MNAT1: variants seen among roughly 807,000 people sequenced by gnomAD.
The protein encoded by MNAT1 is CDK-activating kinase assembly factor MAT1.
Under a neutral mutation model 42.0 loss-of-function variants are expected in MNAT1, and 43 were observed. The observed-to-expected ratio is 1.02, with a 90% CI of 0.80 to 1.32. The LOEUF (loss-of-function observed/expected upper bound fraction) is 1.32, where lower values mean the gene tolerates loss of function less well. MNAT1 is among the 40% of genes most tolerant of loss of function. MNAT1 has a pLI of 0.00. For missense variants in MNAT1, 306 were observed against 350.4 expected, an observed-to-expected ratio of 0.87 and a Z score of 1.01; for synonymous variants, 118 against 120.0, an observed-to-expected ratio of 0.98 and a Z score of 0.11.
chr14:60,961,426 T>C (rs1034694006), intron 7 of MNAT1, among the ~76,000 whole-genome samples: 5 of 152,236 alleles, frequency 3.3e-5, no homozygotes, highest in Admixed American at 2.0e-4. Flanking sequence ...CAATATGTAC[T>C]GTGTCTCCTT....
chr14:60,894,470 A>T (rs932727883), intron 7 of MNAT1, among the ~76,000 whole-genome samples: 2 of 151,546 alleles, frequency 1.3e-5, no homozygotes, highest in Non-Finnish European at 2.9e-5. Flanking sequence ...CTGATTGTCT[A>T]TTTTTTCCCA....
intron 7 of MNAT1, among the ~76,000 whole-genome samples, chr14:60,951,329 T>G (rs2036381004): frequency 6.6e-6 from 1 of 151,554 alleles, no homozygotes. Context: ...TTATTGTTTT[T>G]GGCTCATCTT....
intron 1 of MNAT1, among the ~76,000 whole-genome samples, chr14:60,782,459 T>G (rs2031497388): frequency 1.3e-5 from 2 of 152,130 alleles, no homozygotes; most frequent in South Asian, 4.1e-4. Flanking sequence ...CTTTCATATT[T>G]CAAGGCCAGC....
At chr14:60,903,205 T>C (rs904001103) in intron 7 of MNAT1, among the ~76,000 whole-genome samples, 1 of 152,086 alleles carries the variant, frequency 6.6e-6, no homozygotes, top group African/African-American at 2.4e-5. Flanking sequence ...ATATATTAAA[T>C]CTTCGTCTTC....
intron 1 of MNAT1, among the ~76,000 whole-genome samples, chr14:60,793,914 A>G (rs1336798377): frequency 6.6e-6 from 1 of 152,174 alleles, no homozygotes; most frequent in African/African-American, 2.4e-5. Flanking sequence ...AGGAAAATAA[A>G]CTGCAATAAA....
intron 7 of MNAT1, among the ~76,000 whole-genome samples, chr14:60,883,161 A>G (rs953204833): frequency 2.6e-5 from 4 of 152,138 alleles, no homozygotes; most frequent in Admixed American, 6.6e-5. Flanking sequence ...GCCCACTCCA[A>G]TATCCTGGAG....
chr14:60,768,058 C>T (rs2030904763), intron 1 of MNAT1, among the ~76,000 whole-genome samples: 1 of 152,204 alleles, frequency 6.6e-6, no homozygotes, highest in African/African-American at 2.4e-5. Context: ...GCCACCATGA[C>T]TGGCCTTATT....
At chr14:60,827,774 T>A (rs2033095589) in intron 6 of MNAT1, among the ~76,000 whole-genome samples, 1 of 152,316 alleles carries the variant, frequency 6.6e-6, no homozygotes, top group South Asian at 2.1e-4. Context: ...GTAAATCAAA[T>A]TAATAATAGT....
At chr14:60,865,251 T>A (rs928672742) in intron 6 of MNAT1, among the ~76,000 whole-genome samples, 2 of 152,104 alleles carry the variant, frequency 1.3e-5, no homozygotes, top group Non-Finnish European at 2.9e-5. Flanking sequence ...GCTTATGTAA[T>A]AGTAGTAGTA....
intron 3 of MNAT1, among the ~76,000 whole-genome samples, chr14:60,807,546 G>T (rs2032410797): frequency 6.6e-6 from 1 of 152,130 alleles, no homozygotes; most frequent in Non-Finnish European, 1.5e-5. Context: ...TCCTCCATAT[G>T]AGTTTATATA....
At chr14:60,797,713 G>T (rs531887046) in intron 2 of MNAT1, among the ~76,000 whole-genome samples, 7 of 152,210 alleles carry the variant, frequency 4.6e-5, no homozygotes, top group Non-Finnish European at 7.4e-5. Flanking sequence ...GATCACTTGA[G>T]ATCAGAGTTT....
chr14:60,930,657 A>G (rs1486746816), intron 7 of MNAT1, among the ~76,000 whole-genome samples: 5 of 152,196 alleles, frequency 3.3e-5, no homozygotes, highest in Admixed American at 2.6e-4. Flanking sequence ...GATAAGTAAG[A>G]GTCTCCTAGT....
intron 1 of MNAT1, among the ~76,000 whole-genome samples, chr14:60,736,826 A>T (rs1003421414): frequency 3.3e-5 from 5 of 152,264 alleles, no homozygotes; most frequent in African/African-American, 1.2e-4. Flanking sequence ...ATATTTAGAG[A>T]TATTTAGTAT....
At chr14:60,819,420 G>A (rs2032814000) in intron 6 of MNAT1, among the ~76,000 whole-genome samples, 1 of 148,848 alleles carries the variant, frequency 6.7e-6, no homozygotes, top group African/African-American at 2.5e-5. Flanking sequence ...TATATACTTT[G>A]GCATATTAAC....
At chr14:60,816,768 C>T (rs1409962255) in intron 5 of MNAT1, among the ~76,000 whole-genome samples, 3 of 152,020 alleles carry the variant, frequency 2.0e-5, no homozygotes, top group Non-Finnish European at 4.4e-5. Flanking sequence ...CTACTTAATT[C>T]TAGTTTAACA....
Position 60,869,038 on chromosome 14 carries a change from A to T in MNAT1, c.688-10676A>T, listed in dbSNP as rs1330487942. 1.5e-3 allele frequency among the ~76,000 whole-genome samples: 134 copies of T among 91,972 alleles called. 1 individual carries two copies. The highest frequency in any genetic ancestry group is 7.4e-3 in the East Asian group (20 of 2,718). The allele number at this position is 91,972 out of a possible 152,430, so 60.3% of individuals were successfully genotyped here. On this transcript the variant is annotated intron_variant, in intron 6 of 7. Coordinates refer to ENST00000261245, the MANE Select transcript of MNAT1 (RefSeq NM_002431.4). ...TTATTTTATACATATATATATATAT[A>T]TATTTTTTTTTTTTTTTTTGAGACG...
chr14:60,897,895 T>A (rs534715002), intron 7 of MNAT1, among the ~76,000 whole-genome samples: 1 of 152,302 alleles, frequency 6.6e-6, no homozygotes, highest in Non-Finnish European at 1.5e-5. Flanking sequence ...TTATTTTTCC[T>A]TTCCGCCCTC....
chr14:60,832,612 G>T (rs549969404), intron 6 of MNAT1, among the ~76,000 whole-genome samples: 1 of 152,042 alleles, frequency 6.6e-6, no homozygotes, highest in Non-Finnish European at 1.5e-5. Context: ...CAGGTAGCAT[G>T]ATGGCTCCAG....
At chr14:60,779,551 G>A (rs2031373883) in intron 1 of MNAT1, among the ~76,000 whole-genome samples, 1 of 152,146 alleles carries the variant, frequency 6.6e-6, no homozygotes, top group Non-Finnish European at 1.5e-5. Flanking sequence ...CATTTTGGGA[G>A]GCCGAGCAGG....
Sources: allele counts gnomAD v4.1 joint callset (sites outside exome capture counted in the v4.1 genomes callset), GRCh38; gene constraint gnomAD v4.1.1; transcripts MANE v1.5; gene names NCBI Gene and HGNC (gene_info 2026-07-23, HGNC 2026-07-21).